Variants in ZNF804A observed in about 807,000 individuals in gnomAD.
ZNF804A encodes the protein zinc finger protein 804A.
ZNF804A carries 2 observed loss-of-function variants against 16.5 expected under a neutral mutation model. The ratio of observed to expected loss-of-function variants is 0.12; its 90% CI spans 0.05 to 0.38. ZNF804A has a LOEUF of 0.38. Among genes scored for constraint, ZNF804A ranks in the 10% least tolerant of loss-of-function variants. The pLI is 0.99. For synonymous variants in ZNF804A, 534 were observed against 489.6 expected, an observed-to-expected ratio of 1.09 and a Z score of -1.20; for missense variants, 1,473 against 1,390.7, an observed-to-expected ratio of 1.06 and a Z score of -0.94.
At chr2:184,861,058 A>T (rs1695792942) in intron 1 of ZNF804A, among the ~76,000 whole-genome samples, 1 of 152,156 alleles carries the variant, frequency 6.6e-6, no homozygotes, top group Non-Finnish European at 1.5e-5. Context: ...TATAGAATCT[A>T]ACCTGGTGCT....
chr2:184,674,584 G>T (rs1224237056), intron 1 of ZNF804A, among the ~76,000 whole-genome samples: 2 of 151,706 alleles, frequency 1.3e-5, no homozygotes, highest in East Asian at 1.9e-4. Context: ...AATAATGAGA[G>T]GGTAGAAGTA....
At chr2:184,872,332 G>A (rs184927255) in intron 2 of ZNF804A, among the ~76,000 whole-genome samples, 34 of 152,148 alleles carry the variant, frequency 2.2e-4, no homozygotes, top group African/African-American at 5.3e-4. Context: ...TACTGAGGTC[G>A]TAGAGCAAAA....
At chr2:184,706,023 T>A (rs1020895071) in intron 1 of ZNF804A, among the ~76,000 whole-genome samples, 1 of 152,188 alleles carries the variant, frequency 6.6e-6, no homozygotes, top group Non-Finnish European at 1.5e-5. Context: ...TGGTGACTAT[T>A]CACATGGGAC....
At chr2:184,640,389 T>C (rs150141959) in intron 1 of ZNF804A, among the ~76,000 whole-genome samples, 1 of 152,258 alleles carries the variant, frequency 6.6e-6, no homozygotes, top group African/African-American at 2.4e-5. Flanking sequence ...ATTCATTATA[T>C]GACTTCACTG....
rs143598672 is a variant in ZNF804A at position 184,755,143 on chromosome 2, A to T, written c.112-111226A>T. Among the ~76,000 whole-genome samples, 785 of 152,078 alleles carry T rather than the reference A, an allele frequency of 5.2e-3. 7 individuals are homozygous for T. The highest frequency in any genetic ancestry group is 0.018 in the African/African-American group (740 of 41,530). On this transcript the variant is annotated intron_variant, in intron 1 of 3. Transcript: ENST00000302277. ...TTAATTTACATGAGAACAATCTCGGAAGTTATGTCAAAGTTAGTCTTTGAG... is the reference window on the plus strand; with the variant it reads ...TTAATTTACATGAGAACAATCTCGGTAGTTATGTCAAAGTTAGTCTTTGAG...
At chr2:184,800,751 C>A (rs1335937816) in intron 1 of ZNF804A, among the ~76,000 whole-genome samples, 1 of 151,846 alleles carries the variant, frequency 6.6e-6, no homozygotes, top group Non-Finnish European at 1.5e-5. Flanking sequence ...AAAAAGCATA[C>A]CTAATTTTTC....
rs140187269 is a variant in ZNF804A at position 184,679,744 on chromosome 2, C to G, written c.111+80674C>G. Among the ~76,000 whole-genome samples, 326 of 152,234 alleles carry G rather than the reference C, an allele frequency of 2.1e-3. 1 individual carries two copies. The highest frequency in any genetic ancestry group is 6.8e-3 in the Middle Eastern group (2 of 294). ...CCTCCAGAATTTGGGCCCCGATGAG[C>G]ATGGGAAGAAGGTAGAGAAGGGGCT... is the stretch of plus-strand genomic sequence containing the variant. On this transcript the variant is annotated intron_variant, in intron 1 of 3. Transcript: ENST00000302277.
At chr2:184,865,005 G>A (rs762666729) in intron 1 of ZNF804A, among the ~76,000 whole-genome samples, 4 of 149,550 alleles carry the variant, frequency 2.7e-5, no homozygotes, top group Admixed American at 6.7e-5. Context: ...CTCGGCCTCC[G>A]AGTAGCTGGG....
intron 1 of ZNF804A, among the ~76,000 whole-genome samples, chr2:184,745,201 G>T (rs1277612367): frequency 6.6e-6 from 1 of 151,770 alleles, no homozygotes; most frequent in Non-Finnish European, 1.5e-5. Context: ...AAGAATAACA[G>T]ATATTGGCAT....
chr2:184,897,376 G>GT (rs903874872), intron 2 of ZNF804A, among the ~76,000 whole-genome samples: 6 of 146,818 alleles, frequency 4.1e-5, no homozygotes, highest in East Asian at 4.0e-4. Flanking sequence ...ATTAGTTACT[G>GT]TTTTTTTTCC....
chr2:184,917,735 T>G (rs1183714384), intron 2 of ZNF804A, among the ~76,000 whole-genome samples: 1 of 151,798 alleles, frequency 6.6e-6, no homozygotes, highest in Non-Finnish European at 1.5e-5. Flanking sequence ...ATATGTGGTT[T>G]TAGGCATCCA....
In ZNF804A at chr2:184,938,310, C is replaced by T. The variant is rs1478065863; in HGVS notation, c.2914C>T (p.His972Tyr). 1 of 1,614,130 alleles carries T rather than the reference C, an allele frequency of 6.2e-7. No homozygotes were observed. The highest frequency in any genetic ancestry group is 2.2e-5 in the East Asian group (1 of 44,856). The change falls in exon 4 of 4, where the codon CAT becomes TAT. Residue 972 changes from histidine to tyrosine, a missense_variant. His to Tyr is a moderately conservative substitution (Grantham distance 83). Coordinates refer to ENST00000302277, the MANE Select transcript of ZNF804A (RefSeq NM_194250.2). ...RQSQPKSYLC[H>Y]YELAEALPQG... ...GTCACAGCCTAAATCCTATCTTTGC[C>T]ATTATGAACTGGCTGAGGCCCTTCC...
At position 184,817,991 on chromosome 2, in the gene ZNF804A, A is replaced by G. The variant is rs116275020; in HGVS notation, c.112-48378A>G. ...CAATTTGAAAAACATACTTCAGGAT[A>G]TCATCTAGGAGACCTTCCTCGAACT... On this transcript the variant is annotated intron_variant, in intron 1 of 3. Coordinates refer to ENST00000302277, the MANE Select transcript of ZNF804A (RefSeq NM_194250.2). Among the ~76,000 whole-genome samples the G allele has an allele frequency of 3.2e-3, 482 of 152,186 alleles. 4 individuals are homozygous for G. Among genetic ancestry groups the G allele is most frequent in the African/African-American group, 0.011 (461 of 41,550 alleles).
intron 1 of ZNF804A, among the ~76,000 whole-genome samples, chr2:184,783,813 A>G (rs1038962760): frequency 8.6e-5 from 13 of 151,878 alleles, no homozygotes; most frequent in African/African-American, 3.1e-4. Flanking sequence ...TGACATCACT[A>G]TTGTTCCTCC....
intron 1 of ZNF804A, among the ~76,000 whole-genome samples, chr2:184,857,296 CTT>C (rs1284638574): frequency 3.3e-5 from 5 of 151,966 alleles, no homozygotes; most frequent in African/African-American, 7.2e-5. Flanking sequence ...CAAAATATCT[CTT>C]GTTATTGATT....
chr2:184,818,998 CATT>C (rs1695029381), intron 1 of ZNF804A, among the ~76,000 whole-genome samples: 1 of 151,994 alleles, frequency 6.6e-6, no homozygotes, highest in African/African-American at 2.4e-5. Flanking sequence ...ATAGACAGAT[CATT>C]GAGACAGAAA....
chr2:184,688,135 CA>C (rs1692668055), intron 1 of ZNF804A, among the ~76,000 whole-genome samples: 1 of 151,858 alleles, frequency 6.6e-6, no homozygotes, highest in Admixed American at 6.6e-5. Context: ...AAAACAAAAA[CA>C]AAACAGAACA....
Position 184,936,502 on chromosome 2 carries a change from G to A in ZNF804A, c.1106G>A (p.Cys369Tyr). 3.1e-6 allele frequency: 5 copies of A among 1,613,880 alleles called. No individual in the cohort carries two copies. Among genetic ancestry groups the A allele is most frequent in the Non-Finnish European group, 4.2e-6 (5 of 1,179,932 alleles). ...KSTVLDMSNDCISVQATTEEN... is the reference protein window; with the variant it reads ...KSTVLDMSNDYISVQATTEEN... ...ACAGTTCTTGACATGTCTAATGATT[G>A]CATATCTGTGCAAGCTACCACAGAG... is the stretch of plus-strand genomic sequence containing the variant. Residue 369 changes from cysteine (C) to tyrosine (Y), a missense_variant, in exon 4 of 4, where the codon TGC becomes TAC. Transcript: ENST00000302277.
chr2:184,743,043 G>A (rs1173784920), intron 1 of ZNF804A, among the ~76,000 whole-genome samples: 1 of 151,852 alleles, frequency 6.6e-6, no homozygotes, highest in Non-Finnish European at 1.5e-5. Flanking sequence ...TCTTTGCCAT[G>A]TTGTTTGGAA....
Sources: gnomAD v4.1 joint callset for allele counts (sites outside exome capture counted in the v4.1 genomes callset) on GRCh38, gnomAD v4.1.1 for gene constraint, MANE v1.5 for transcripts, NCBI Gene and HGNC (gene_info 2026-07-23, HGNC 2026-07-21) for gene names.